Variants in EFHB observed in about 807,000 individuals in gnomAD.
EFHB encodes EF-hand domain family member B, also known as EF-hand domain-containing family member B.
In EFHB, 91 loss-of-function variants were observed where a neutral mutation model predicts 87.2. That is an observed-to-expected ratio of 1.04 (90% CI 0.88 to 1.24). The LOEUF (loss-of-function observed/expected upper bound fraction) is 1.24. EFHB is among the 50% of genes most tolerant of loss of function. The probability of loss-of-function intolerance (pLI) is 0.00; values close to 1 mark genes in which losing one functional copy is unlikely to be tolerated. For synonymous variants in EFHB, 325 were observed against 333.6 expected (o/e 0.97, Z 0.28); for missense variants, 1,084 against 998.8 (o/e 1.09, Z -1.15).
intron 9 of EFHB, among the ~76,000 whole-genome samples, chr3:19,893,831 T>C (rs1004334196): frequency 1.3e-5 from 2 of 152,200 alleles, no homozygotes; most frequent in African/African-American, 2.4e-5. Flanking sequence ...TTGGACTTAC[T>C]GACCTTATGC....
intron 1 of EFHB, among the ~76,000 whole-genome samples, chr3:19,924,086 T>C (rs1196005388): frequency 6.6e-6 from 1 of 152,118 alleles, no homozygotes; most frequent in East Asian, 1.9e-4. Flanking sequence ...TAATAATAAC[T>C]AGTGATGATT....
intron 1 of EFHB, chr3:19,940,872 T>C: frequency 2.8e-6 from 1 of 360,620 alleles, no homozygotes; most frequent in Non-Finnish European, 5.6e-6. Context: ...AATAAGCACA[T>C]CAGGCTGCCT....
At chr3:19,936,581 A>C (rs114141929), upstream of EFHB, among the ~76,000 whole-genome samples, 4,860 of 152,088 alleles carry the variant, frequency 0.032, 260 homozygotes, top group African/African-American at 0.11. Context: ...AAAAATAAAA[A>C]ATAAGGCCAG....
intron 9 of EFHB, chr3:19,895,007 T>TATATATATAAAA (rs1453175560): frequency 6.8e-6 from 1 of 147,108 alleles, no homozygotes; most frequent in African/African-American, 2.5e-5. Context: ...TATGTATATA[T>TATATATATAAAA]AAAAATATAT....
intron 6 of EFHB, among the ~76,000 whole-genome samples, chr3:19,902,621 G>T (rs1399346290): frequency 1.3e-5 from 2 of 151,854 alleles, no homozygotes; most frequent in Admixed American, 1.3e-4. Flanking sequence ...CAAAGTGCTG[G>T]GATTACAGGC....
At chr3:19,882,058 A>ATT (rs2071692360) in intron 12 of EFHB, among the ~76,000 whole-genome samples, 3 of 111,372 alleles carry the variant, frequency 2.7e-5, no homozygotes, top group African/African-American at 4.4e-5. Flanking sequence ...TAAATAAATA[A>ATT]ATAATTAAAT....
chr3:19,943,027 C>A, intron 1 of EFHB: 1 of 315,798 alleles, frequency 3.2e-6, no homozygotes, highest in South Asian at 3.7e-5. Flanking sequence ...CAACATTATT[C>A]ACTACCATGA....
In EFHB at chr3:19,882,708, T is replaced by C. The variant is rs751698429; in HGVS notation, c.2170A>G (p.Thr724Ala). 6.2e-6 allele frequency: 10 copies of C among 1,613,334 alleles called. No individual in the cohort carries two copies. Among genetic ancestry groups the C allele is most frequent in the Non-Finnish European group, 7.6e-6 (9 of 1,179,610 alleles). ...GGAGCAGGAATGTCAGATCGAATGG[T>C]TGGAACACCACAAATGGGGTAACCT... ...STCYPICGVP[T>A]IRSDIPAPRI... is the part of the protein sequence containing the mutation. Residue 724 changes from threonine (T) to alanine (A), a missense_variant, in exon 12 of 13, where the codon ACC (threonine) becomes GCC (alanine). Thr to Ala is a moderately conservative substitution (Grantham distance 58). Coordinates refer to ENST00000295824, the MANE Select transcript of EFHB (RefSeq NM_144715.4).
Position 19,933,813 on chromosome 3 carries a change from C to T in EFHB, c.206G>A (p.Gly69Glu). The part of the protein sequence containing the change: ...PPETKFPLSK[G>E]LEMGLERQNI... ...CTGTCTTTCTAATCCCATTTCAAGC[C>T]CCTTGCTCAATGGAAATTTTGTTTC... is the stretch of plus-strand genomic sequence containing the variant. Residue 69 changes from glycine (G) to glutamate (E), a missense_variant, in exon 1 of 13, where the codon GGG (glycine) becomes GAG (glutamate). Transcript: ENST00000295824. 1 of 1,613,952 alleles carries T rather than the reference C, an allele frequency of 6.2e-7. No homozygotes were observed. The highest frequency in any genetic ancestry group is 1.1e-5 in the South Asian group (1 of 91,078).
intron 5 of EFHB, among the ~76,000 whole-genome samples, chr3:19,908,266 C>T (rs897161091): frequency 3.9e-5 from 6 of 152,102 alleles, no homozygotes; most frequent in African/African-American, 1.4e-4. Flanking sequence ...GGCGCAGTGG[C>T]TCACGCCTGT....
At chr3:19,938,668 C>G (rs2929344), upstream of EFHB, among the ~76,000 whole-genome samples, 51,677 of 152,056 alleles carry the variant, frequency 0.34, 9,347 homozygotes, top group African/African-American at 0.46. Context: ...TACATCTTAA[C>G]TGGAATCTTG....
At position 19,888,630 on chromosome 3, in the gene EFHB, TA is replaced by T; in HGVS notation, c.1746del (p.Asp582GlufsTer14). 1 of 1,606,514 alleles carries T rather than the reference TA, an allele frequency of 6.2e-7. No individual in the cohort carries two copies. The highest frequency in any genetic ancestry group is 8.5e-7 in the Non-Finnish European group (1 of 1,176,000). ...TCACAAGCTTCCTGCAGCTCGTCTT[TA>T]TCTATCATCCCATCTCCCTTCTGTT... ...HYDKKGDGMI[D>X]KDELQEACDQ... On this transcript the variant is annotated frameshift_variant, in exon 10 of 13. Transcript: ENST00000295824. LOFTEE classifies it high-confidence loss of function.
intron 3 of EFHB, 89 bp from the exon 4 acceptor site, chr3:19,918,501 A>G: frequency 8.2e-7 from 1 of 1,216,360 alleles, no homozygotes; most frequent in Non-Finnish European, 1.1e-6. Context: ...GGGAGAGGAG[A>G]CTGTACGATT....
At chr3:19,899,372 A>G in intron 7 of EFHB, 60 bp downstream of exon 7, 3 of 1,243,592 alleles carry the variant, frequency 2.4e-6, no homozygotes, top group Non-Finnish European at 2.3e-6. Flanking sequence ...AGTTACCACA[A>G]GAGTATTTTT....
At chr3:19,918,469 T>C (rs775501645) in intron 3 of EFHB, 57 bp from the exon 4 acceptor site, 52 of 1,451,528 alleles carry the variant, frequency 3.6e-5, no homozygotes, top group Non-Finnish European at 4.2e-5. Flanking sequence ...AATCTGAAAA[T>C]AGAAACCCTA....
intron 9 of EFHB, 38 bp from the exon 10 acceptor site, chr3:19,888,689 T>A (rs1325197281): frequency 6.5e-7 from 1 of 1,528,562 alleles, no homozygotes; most frequent in Admixed American, 1.9e-5. Flanking sequence ...AAATGGGAGT[T>A]GTCTTCAAGA....
chr3:19,899,939 G>A (rs1469305652), intron 6 of EFHB, among the ~76,000 whole-genome samples: 1 of 152,028 alleles, frequency 6.6e-6, no homozygotes, highest in Non-Finnish European at 1.5e-5. Flanking sequence ...TGGGCGTGGT[G>A]GCATGTACCT....
intron 1 of EFHB, chr3:19,943,038 A>C (rs766664690): frequency 6.2e-6 from 2 of 320,590 alleles, no homozygotes; most frequent in African/African-American, 4.5e-5. Context: ...ACTACCATGA[A>C]GGGCCAATGC....
At chr3:19,939,675 C>T (rs1696111846) in intron 1 of EFHB, among the ~76,000 whole-genome samples, 1 of 152,116 alleles carries the variant, frequency 6.6e-6, no homozygotes, top group Non-Finnish European at 1.5e-5. Flanking sequence ...TGAACCACCG[C>T]ACCCGCCCAT....
Sources: allele counts gnomAD v4.1 joint callset (sites outside exome capture counted in the v4.1 genomes callset), GRCh38; gene constraint gnomAD v4.1.1; transcripts MANE v1.5; gene names NCBI Gene and HGNC (gene_info 2026-07-23, HGNC 2026-07-21).